DIAPH3: variants seen among roughly 807,000 people sequenced by gnomAD.
DIAPH3 encodes protein diaphanous homolog 3.
A neutral mutation model predicts 144.3 loss-of-function variants in DIAPH3; 117 were observed. That is an observed-to-expected ratio of 0.81 (90% CI 0.70 to 0.95). The LOEUF is 0.95. Among genes scored for constraint, DIAPH3 ranks in the 40% least tolerant of loss-of-function variants. The pLI is 0.00. For synonymous variants in DIAPH3, 519 were observed against 488.9 expected (o/e 1.06, Z -0.81); for missense variants, 1,421 against 1,412.7 (o/e 1.01, Z -0.09).
chr13:59,761,504 G>A (rs557014779), intron 27 of DIAPH3, among the ~76,000 whole-genome samples: 8 of 151,896 alleles, frequency 5.3e-5, no homozygotes, highest in Admixed American at 2.0e-4. Context: ...CGCACATTAA[G>A]AATGACAAGG....
At chr13:59,771,742 A>C (rs919436305) in intron 27 of DIAPH3, among the ~76,000 whole-genome samples, 4 of 152,078 alleles carry the variant, frequency 2.6e-5, no homozygotes, top group Non-Finnish European at 4.4e-5. Flanking sequence ...AAGTTATCAG[A>C]CCTCTTTAAT....
At chr13:60,090,055 G>A (rs1020552166) in intron 4 of DIAPH3, among the ~76,000 whole-genome samples, 2 of 152,202 alleles carry the variant, frequency 1.3e-5, no homozygotes, top group East Asian at 1.9e-4. Flanking sequence ...ATCAAGCACC[G>A]TACAACCTCT....
chr13:60,040,976 G>A (rs2055621564), intron 5 of DIAPH3, among the ~76,000 whole-genome samples: 1 of 152,046 alleles, frequency 6.6e-6, no homozygotes, highest in African/African-American at 2.4e-5. Context: ...ACCATGCCTG[G>A]CTAATTTTTG....
intron 1 of DIAPH3, among the ~76,000 whole-genome samples, chr13:60,159,018 T>C (rs1031173416): frequency 6.7e-6 from 1 of 150,362 alleles, no homozygotes; most frequent in Non-Finnish European, 1.5e-5. Flanking sequence ...TTTCAGAAGA[T>C]CATTGTTCGG....
intron 2 of DIAPH3, among the ~76,000 whole-genome samples, chr13:60,115,265 C>A (rs2058673555): frequency 6.6e-6 from 1 of 152,168 alleles, no homozygotes; most frequent in African/African-American, 2.4e-5. Flanking sequence ...TGAGTTTTCT[C>A]TGATTCTTGG....
At chr13:59,843,428 T>C (rs1242862660) in intron 22 of DIAPH3, among the ~76,000 whole-genome samples, 1 of 152,158 alleles carries the variant, frequency 6.6e-6, no homozygotes, top group East Asian at 1.9e-4. Flanking sequence ...CTTAGTCCAC[T>C]GGATAAAAGG....
At chr13:59,888,865 G>C (rs2045613629) in intron 20 of DIAPH3, among the ~76,000 whole-genome samples, 1 of 151,126 alleles carries the variant, frequency 6.6e-6, no homozygotes, top group Non-Finnish European at 1.5e-5. Flanking sequence ...AGAATTCTGA[G>C]TTTACAGGGT....
chr13:59,837,608 A>C (rs1314186992), intron 23 of DIAPH3: 2 of 153,220 alleles, frequency 1.3e-5, no homozygotes, highest in East Asian at 3.9e-4. Flanking sequence ...AGTTATTAAC[A>C]AACTGTCACA....
rs59987412 is a variant in DIAPH3 at position 59,729,810 on chromosome 13, A to AT, written c.3319+44378dup. On this transcript the variant is annotated intron_variant, in intron 27 of 27. Transcript: ENST00000400324. Reference sequence around the variant, plus strand: ...TGTGACTTCCGGTGAATACATTAATATTTTTTTTTTTTTTTTTTTGAGATA... The same window carrying AT: ...TGTGACTTCCGGTGAATACATTAATATTTTTTTTTTTTTTTTTTTTGAGATA... Among the ~76,000 whole-genome samples the AT allele has an allele frequency of 8.9e-4, 119 of 134,248 alleles. 4 individuals are homozygous for AT. Among genetic ancestry groups the AT allele is most frequent in the African/African-American group, 2.2e-3 (72 of 32,644 alleles). 88.1% of individuals were successfully genotyped at this position (134,248 alleles called of 152,430 possible). A position where few individuals can be genotyped will look rare whatever the true frequency, so the allele number is the denominator to read the frequency against.
chr13:59,765,187 G>T (rs1390530163), intron 27 of DIAPH3, among the ~76,000 whole-genome samples: 1 of 151,936 alleles, frequency 6.6e-6, no homozygotes, highest in East Asian at 1.9e-4. Context: ...ATTACTTCCG[G>T]TATTTTAAGT....
intron 18 of DIAPH3, among the ~76,000 whole-genome samples, chr13:59,920,167 A>C (rs1307542085): frequency 6.6e-6 from 1 of 151,972 alleles, no homozygotes; most frequent in Admixed American, 6.6e-5. Context: ...ACTAGAAAAC[A>C]ATCAACAAAA....
At chr13:60,128,084 C>T (rs2059035429) in intron 2 of DIAPH3, among the ~76,000 whole-genome samples, 1 of 152,060 alleles carries the variant, frequency 6.6e-6, no homozygotes, top group Non-Finnish European at 1.5e-5. Flanking sequence ...AAGTATGCCC[C>T]AGTGTCTGTT....
At chr13:59,831,517 T>A (rs1183445388) in intron 24 of DIAPH3, among the ~76,000 whole-genome samples, 1 of 151,860 alleles carries the variant, frequency 6.6e-6, no homozygotes, top group East Asian at 1.9e-4. Flanking sequence ...AGTCTTGGTG[T>A]CAAAGATTTT....
chr13:59,848,307 CTT>C (rs71089517), intron 22 of DIAPH3, among the ~76,000 whole-genome samples: 24 of 128,074 alleles, frequency 1.9e-4, no homozygotes, highest in African/African-American at 5.9e-4. Context: ...AAAGTCAAAT[CTT>C]TTTTTTTTTT....
At chr13:59,837,036 C>G (rs2042076922) in intron 23 of DIAPH3, among the ~76,000 whole-genome samples, 1 of 151,974 alleles carries the variant, frequency 6.6e-6, no homozygotes, top group African/African-American at 2.4e-5. Flanking sequence ...AATTTAATTA[C>G]TTCGAAACTA....
At chr13:59,810,652 G>T (rs894561415) in intron 25 of DIAPH3, 136 bp downstream of exon 25, 84 of 959,464 alleles carry the variant, frequency 8.8e-5, no homozygotes, top group South Asian at 6.1e-4. Context: ...CATAAAGAAA[G>T]AATTGTTCTA....
intron 25 of DIAPH3, among the ~76,000 whole-genome samples, chr13:59,781,127 A>G (rs2038715626): frequency 6.6e-6 from 1 of 152,210 alleles, no homozygotes; most frequent in Non-Finnish European, 1.5e-5. Context: ...ATAACTAAGC[A>G]TACAAAGAAG....
chr13:59,690,414 A>G (rs1206931932), intron 27 of DIAPH3, among the ~76,000 whole-genome samples: 2 of 152,192 alleles, frequency 1.3e-5, no homozygotes. Context: ...TCTTGTCACT[A>G]GATCATATTA....
intron 18 of DIAPH3, 101 bp downstream of exon 18, chr13:59,924,674 A>ATC: frequency 6.7e-7 from 1 of 1,483,800 alleles, no homozygotes; most frequent in Non-Finnish European, 9.0e-7. Flanking sequence ...ATAATAACAA[A>ATC]ATGAAAATAG....
Sources: gnomAD v4.1 joint callset for allele counts (sites outside exome capture counted in the v4.1 genomes callset) on GRCh38, gnomAD v4.1.1 for gene constraint, MANE v1.5 for transcripts, NCBI Gene and HGNC (gene_info 2026-07-23, HGNC 2026-07-21) for gene names.